The following TTN variants were observed in gnomAD, a reference collection of about 807,000 sequenced individuals.
TTN encodes titin.
A neutral mutation model predicts 3,223.0 loss-of-function variants in TTN; 1,525 were observed. That is an observed-to-expected ratio of 0.47 (90% CI 0.45 to 0.49). The LOEUF is 0.49. TTN is among the 20% of genes least tolerant of loss of function. TTN has a pLI of 0.00. For missense variants in TTN, 40,786 were observed against 43,424.0 expected, an observed-to-expected ratio of 0.94 and a Z score of 5.40; for synonymous variants, 14,094 against 15,161.0, an observed-to-expected ratio of 0.93 and a Z score of 5.17.
chr2:178,551,326 A>C (rs1237120511), intron 335 of TTN, 66 bp from the exon 336 acceptor site: 1 of 1,287,678 alleles, frequency 7.8e-7, no homozygotes, highest in East Asian at 2.6e-5. Flanking sequence ...CATCCATGGA[A>C]GAACAATACA....
Position 178,563,378 on chromosome 2 carries a change from G to T in TTN, c.82754C>A (p.Ser27585Tyr), listed in dbSNP as rs72648215. 7.1e-5 allele frequency: 114 copies of T among 1,613,434 alleles called. No homozygotes were observed. Among genetic ancestry groups the T allele is most frequent in the Non-Finnish European group, 9.2e-5 (109 of 1,179,702 alleles). ...CTTACTCCATGCCAGGGAGACAGAA[G>T]ATCTGGAAGTGTCCGTCACTTTTGG... The part of the protein sequence containing the change: ...SNPKVTDTSR[S>Y]SVSLAWSKPI... Residue 27585 changes from serine to tyrosine, a missense_variant, in exon 326 of 363, where the codon TCT becomes TAT. Coordinates refer to ENST00000589042, the MANE Select transcript of TTN (RefSeq NM_001267550.2). This position sits in a 1 kb window ranked among gnomAD's most constrained non-coding sequence, Gnocchi z 4.5.
intron 117 of TTN, chr2:178,694,382 A>T: frequency 4.3e-6 from 2 of 461,516 alleles, no homozygotes. Flanking sequence ...TCTTTATAAT[A>T]AAAAAATGTA....
chr2:178,590,080 T>A lies in TTN; in HGVS notation c.61645A>T (p.Ile20549Phe), dbSNP rs750680415. The change falls in exon 304 of 363, where the codon ATC becomes TTC. Residue 20549 changes from isoleucine (I) to phenylalanine (F), a missense_variant. Physicochemically the swap from Ile to Phe is conservative, Grantham distance 21 (BLOSUM62 0). Coordinates refer to ENST00000589042, the MANE Select transcript of TTN (RefSeq NM_001267550.2). ...AVRADHGKYI[I>F]SAKNSSGHAQ... ...TGTCCACTGCTGTTCTTAGCTGAGA[T>A]GATATACTTGCCATGATCAGCTCTA... 1.2e-6 allele frequency: 2 copies of A among 1,613,156 alleles called. No individual in the cohort carries two copies. Among genetic ancestry groups the A allele is most frequent in the Non-Finnish European group, 1.7e-6 (2 of 1,179,414 alleles).
At chr2:178,586,233 T>G (rs1438782594) in intron 308 of TTN, among the ~76,000 whole-genome samples, 1 of 152,030 alleles carries the variant, frequency 6.6e-6, no homozygotes, top group African/African-American at 2.4e-5. Context: ...GTACAGCCAA[T>G]ATTTTTAAAA....
At chr2:178,688,640 C>T (rs983814124) in intron 126 of TTN, 37 bp downstream of exon 126, 1 of 1,412,534 alleles carries the variant, frequency 7.1e-7, no homozygotes, top group Non-Finnish European at 1.0e-6. Context: ...AGGAAACACA[C>T]ACAAACTCAT....
rs750944951 is a variant in TTN, at chr2:178,573,106, G to A, written c.73026C>T (p.Ile24342=). The A allele has an allele frequency of 9.3e-6, 15 of 1,613,120 alleles. No homozygotes were observed. Among genetic ancestry groups the A allele is most frequent in the East Asian group, 4.5e-5 (2 of 44,726 alleles). The change falls in exon 326 of 363, where the codon ATC becomes ATT. Residue 24342 remains isoleucine (I), a synonymous_variant. Coordinates refer to ENST00000589042, the MANE Select transcript of TTN (RefSeq NM_001267550.2). The part of the protein sequence containing the change: ...VLDTSRSSIS[I]AWNKPIYDGG... ...CATCATAGATAGGTTTATTCCAAGC[G>A]ATTGAAATGGATGATCTGCTTGTAT... is the stretch of plus-strand genomic sequence containing the variant.
rs1226557805 is a variant in TTN, at chr2:178,688,720, T to C, written c.32154A>G (p.Leu10718=). ...EEKRFVAEEK[L]SFAVPQRVEV... is the part of the protein sequence containing the mutation. ...CCACTCTTTGAGGAACTGCGAAGGA[T>C]AGTTTTTCTTCAGCAACAAATCTCT... is the stretch of plus-strand genomic sequence containing the variant. The change falls in exon 126 of 363, where the codon CTA becomes CTG. Residue 10718 remains leucine (L), a synonymous_variant. Transcript: ENST00000589042. 2 of 1,613,930 alleles carry C rather than the reference T, an allele frequency of 1.2e-6. No homozygotes were observed. The highest frequency in any genetic ancestry group is 2.2e-5 in the East Asian group (1 of 44,874).
intron 295 of TTN, among the ~76,000 whole-genome samples, chr2:178,594,987 G>A (rs992495368): frequency 6.6e-6 from 1 of 152,100 alleles, no homozygotes. Context: ...ATAGATGGAA[G>A]AAATTTGATA....
Position 178,599,362 on chromosome 2 carries a change from C to T in TTN, c.56431G>A (p.Asp18811Asn), listed in dbSNP as rs2052663852. 3.1e-6 allele frequency: 5 copies of T among 1,602,552 alleles called. No individual in the cohort carries two copies. The highest frequency in any genetic ancestry group is 4.3e-6 in the Non-Finnish European group (5 of 1,176,262). The change falls in exon 290 of 363, where the codon GAT (aspartate) becomes AAT (asparagine). Residue 18811 changes from aspartate (D) to asparagine (N), a missense_variant. Physicochemically the swap from Asp to Asn is conservative, Grantham distance 23 (BLOSUM62 1). Coordinates refer to ENST00000589042, the MANE Select transcript of TTN (RefSeq NM_001267550.2). ...TTTGTAATCTTAGACCCACCATCAT[C>T]TTTAGGTGGAAACCAAGATAGTGTC... ...QMTLSWFPPK[D>N]DGGSKITNYV...
At chr2:178,694,506 A>C (rs772559062) in intron 117 of TTN, 93 bp downstream of exon 117, 11 of 854,398 alleles carry the variant, frequency 1.3e-5, no homozygotes, top group Non-Finnish European at 1.8e-5. Flanking sequence ...TGGTCGTTTC[A>C]GATTTGTGAG....
In TTN at chr2:178,582,427, A is replaced by G. The variant is rs2047989715; in HGVS notation, c.66029T>C (p.Val22010Ala). Residue 22010 changes from valine (V) to alanine (A), a missense_variant, in exon 314 of 363, where the codon GTG becomes GCG. Coordinates refer to ENST00000589042, the MANE Select transcript of TTN (RefSeq NM_001267550.2). ...CTCCACGCTGCAGCTGGTGATAGGC[A>G]CAGTTGCAGAGACTTGAGCCCAGTT... ...RPNWAQVSATVPITSCSVEKL... is the reference protein window; with the variant it reads ...RPNWAQVSATAPITSCSVEKL... 2.5e-6 allele frequency: 4 copies of G among 1,612,816 alleles called. No individual in the cohort carries two copies. The highest frequency in any genetic ancestry group is 2.2e-5 in the South Asian group (2 of 91,042).
At position 178,715,133 on chromosome 2, in the gene TTN, T is replaced by C; in HGVS notation, c.26053A>G (p.Ser8685Gly). The C allele has an allele frequency of 6.2e-7, 1 of 1,613,746 alleles. No individual in the cohort carries two copies. Among genetic ancestry groups the C allele is most frequent in the South Asian group, 1.1e-5 (1 of 91,064 alleles). ...GACATTATCTTGTACTTCTTGCCGC[T>C]CCTAAGTTCTCTCTTGTCTTTATAC... ...SWYKDKRELR[S>G]GKKYKIMSEN... The change falls in exon 90 of 363, where the codon AGC (serine) becomes GGC (glycine). Residue 8685 changes from serine to glycine, a missense_variant. Coordinates refer to ENST00000589042, the MANE Select transcript of TTN (RefSeq NM_001267550.2).
chr2:178,574,560 TG>T lies in TTN; in HGVS notation c.71571del (p.Ile23858PhefsTer2). ...WHEPLSDGGSPILGYHVERKE... is the reference protein window; with the variant it reads ...WHEPLSDGGSXILGYHVERKE... ...TTTCTTTCAACATGATATCCTAAAATGGGGCTTCCACCATCAGAAAGTGGCT... is the reference window on the plus strand; with the variant it reads ...TTTCTTTCAACATGATATCCTAAAATGGGCTTCCACCATCAGAAAGTGGCT... On this transcript the variant is annotated frameshift_variant, in exon 326 of 363. Coordinates refer to ENST00000589042, the MANE Select transcript of TTN (RefSeq NM_001267550.2). LOFTEE classifies it high-confidence loss of function. 6.2e-7 allele frequency: 1 copy of T among 1,613,590 alleles called. No individual in the cohort carries two copies. The highest frequency in any genetic ancestry group is 8.5e-7 in the Non-Finnish European group (1 of 1,179,624).
In TTN at chr2:178,587,251, A is replaced by T. The variant is rs397517655; in HGVS notation, c.63960T>A (p.Val21320=). 1.1e-4 allele frequency: 171 copies of T among 1,613,080 alleles called. No individual in the cohort carries two copies. Among genetic ancestry groups the T allele is most frequent in the Non-Finnish European group, 1.3e-4 (155 of 1,179,474 alleles). ...TGGTTACATGGAAGCTTGTTTTCTT[A>T]ACTTCTGGGGTAACGGTCGACCATG... ...RKTWSTVTPE[V]KKTSFHVTNL... is the part of the protein sequence containing the mutation. Residue 21320 remains valine, a synonymous_variant, in exon 307 of 363, where the codon GTT becomes GTA. Transcript: ENST00000589042.
chr2:178,793,677 G>T, intron 8 of TTN, 136 bp from the exon 9 acceptor site: 2 of 1,201,814 alleles, frequency 1.7e-6, no homozygotes, highest in Non-Finnish European at 2.4e-6. Flanking sequence ...GCGCACACCT[G>T]TAATCCCAGC....
chr2:178,539,304 A>G (rs1693238583), intron 352 of TTN, 53 bp from the exon 353 acceptor site: 1 of 1,597,266 alleles, frequency 6.3e-7, no homozygotes, highest in Admixed American at 1.7e-5. Context: ...CCCAAGTATT[A>G]TAAGCCAATG....
Position 178,564,603 on chromosome 2 carries a change from G to C in TTN, c.81529C>G (p.Pro27177Ala). The change falls in exon 326 of 363, where the codon CCT (proline) becomes GCT (alanine). Residue 27177 changes from proline (P) to alanine (A), a missense_variant. By Grantham distance (27) the Pro-to-Ala change is conservative (BLOSUM62 -1). Coordinates refer to ENST00000589042, the MANE Select transcript of TTN (RefSeq NM_001267550.2). ...ARDPCDPPGR[P>A]EAIVITRNNV... ...TTTCTTGTAATAACAATGGCTTCAG[G>C]GCGACCAGGTGGGTCACATGGATCA... is the stretch of plus-strand genomic sequence containing the variant. 1 of 1,613,420 alleles carries C rather than the reference G, an allele frequency of 6.2e-7. No individual in the cohort carries two copies. The highest frequency in any genetic ancestry group is 2.2e-5 in the East Asian group (1 of 44,734).
intron 309 of TTN, 31 bp from the exon 310 acceptor site, chr2:178,584,999 A>G: frequency 1.2e-6 from 2 of 1,608,334 alleles, no homozygotes; most frequent in Non-Finnish European, 8.5e-7. Flanking sequence ...GAAATGTAAG[A>G]ACAAGGATTT....
At position 178,711,246 on chromosome 2, in the gene TTN, G is replaced by C. The variant is rs370277987; in HGVS notation, c.27990C>G (p.Ile9330Met). Residue 9330 changes from isoleucine (I) to methionine (M), a missense_variant, in exon 97 of 363, where the codon ATC becomes ATG. By Grantham distance (10) the Ile-to-Met change is conservative. Transcript: ENST00000589042. ...FDCAISGSEPISVSWYKDGKP... is the reference protein window; with the variant it reads ...FDCAISGSEPMSVSWYKDGKP... The stretch of plus-strand genomic sequence containing the variant: ...TGCCGTCTTTATACCAAGACACGGA[G>C]ATAGGTTCTGATCCACTTATGGCAC... 29 of 1,613,734 alleles carry C rather than the reference G, an allele frequency of 1.8e-5. No homozygotes were observed. The highest frequency in any genetic ancestry group is 2.5e-5 in the Non-Finnish European group (29 of 1,179,798).
Sources: gnomAD v4.1 joint callset for allele counts (sites outside exome capture counted in the v4.1 genomes callset) on GRCh38, gnomAD v4.1.1 for gene constraint, Gnocchi (gnomAD v3.1) non-coding constraint, MANE v1.5 for transcripts, NCBI Gene and HGNC (gene_info 2026-07-23, HGNC 2026-07-21) for gene names.